Variants in SLC15A1 observed in about 807,000 individuals in gnomAD.
SLC15A1 encodes the protein solute carrier family 15 member 1.
Under a neutral mutation model 92.9 loss-of-function variants are expected in SLC15A1, and 83 were observed. The ratio of observed to expected loss-of-function variants is 0.89; its 90% CI spans 0.75 to 1.07. SLC15A1 has a LOEUF of 1.07. Among genes scored for constraint, SLC15A1 ranks in the 50% least tolerant of loss-of-function variants. The pLI, the probability that SLC15A1 is intolerant of heterozygous loss-of-function variation, is 0.00. For synonymous variants in SLC15A1, 322 were observed against 318.2 expected, an observed-to-expected ratio of 1.01 and a Z score of -0.13; for missense variants, 857 against 880.1, an observed-to-expected ratio of 0.97 and a Z score of 0.33.
intron 7 of SLC15A1, 77 bp downstream of exon 7, chr13:98,721,418 C>T: frequency 9.9e-7 from 1 of 1,011,010 alleles, no homozygotes; most frequent in Non-Finnish European, 1.5e-6. Context: ...AAGGGAAGAA[C>T]AGAACAAAAC....
At chr13:98,712,634 T>C in intron 9 of SLC15A1, 50 bp from the exon 10 acceptor site, 4 of 1,355,620 alleles carry the variant, frequency 3.0e-6, no homozygotes, top group Non-Finnish European at 4.2e-6. Context: ...AACAACTTTG[T>C]CAGGGAAGCA....
At chr13:98,685,140 T>C (rs1430689143) in intron 22 of SLC15A1, among the ~76,000 whole-genome samples, 1 of 152,198 alleles carries the variant, frequency 6.6e-6, no homozygotes, top group Non-Finnish European at 1.5e-5. Context: ...TGAACAGCAC[T>C]AAGGTACAGA....
chr13:98,713,604 C>T (rs552885649), intron 9 of SLC15A1, among the ~76,000 whole-genome samples: 54 of 152,230 alleles, frequency 3.5e-4, no homozygotes, highest in African/African-American at 1.3e-3. Flanking sequence ...CAGAAAAATA[C>T]GATGGCCCAC....
chr13:98,725,656 G>A (rs569607705), intron 4 of SLC15A1, among the ~76,000 whole-genome samples: 1 of 152,332 alleles, frequency 6.6e-6, no homozygotes, highest in East Asian at 1.9e-4. Flanking sequence ...GTCAGGCACT[G>A]TTTCAGGCTC....
At chr13:98,721,732 T>C in intron 6 of SLC15A1, 72 bp downstream of exon 6, 1 of 1,445,190 alleles carries the variant, frequency 6.9e-7, no homozygotes, top group Non-Finnish European at 9.6e-7. Context: ...AGAACAGACT[T>C]TGTGCCCGTG....
chr13:98,721,391 G>C (rs2088256285), intron 7 of SLC15A1, 104 bp downstream of exon 7: 1 of 813,444 alleles, frequency 1.2e-6, no homozygotes, highest in Non-Finnish European at 2.1e-6. Flanking sequence ...GTAGCTGACA[G>C]CTAGAAAACA....
At chr13:98,752,462 C>A (rs1007289107) in intron 1 of SLC15A1, 133 bp downstream of exon 1, 29 of 841,818 alleles carry the variant, frequency 3.4e-5, no homozygotes, top group East Asian at 3.2e-4. Context: ...AACCTCCCGG[C>A]CCCCGTGGGC....
intron 18 of SLC15A1, among the ~76,000 whole-genome samples, chr13:98,694,851 C>G (rs1482180989): frequency 3.3e-5 from 5 of 151,718 alleles, no homozygotes; most frequent in Admixed American, 3.3e-4. Context: ...ATGGTGAAAC[C>G]CTGTCTCTAC....
At chr13:98,731,518 C>T (rs9584921) in intron 1 of SLC15A1, among the ~76,000 whole-genome samples, 1 of 152,096 alleles carries the variant, frequency 6.6e-6, no homozygotes, top group African/African-American at 2.4e-5. Flanking sequence ...AGAAAGGTCC[C>T]TGTTATCCTT....
At position 98,687,591 on chromosome 13, in the gene SLC15A1, G is replaced by A; in HGVS notation, c.1817C>T (p.Ser606Leu). The change falls in exon 21 of 23, where the codon TCA becomes TTA. Residue 606 changes from serine (S) to leucine (L), a missense_variant. Ser to Leu is a moderately radical substitution (Grantham distance 145, BLOSUM62 -2). Coordinates refer to ENST00000376503, the MANE Select transcript of SLC15A1 (RefSeq NM_005073.4). ...CAACAAACAAGAAACCTGAGAATATGAGAATTCCAATCCCGTGACAGAGAA... is the reference window on the plus strand; with the variant it reads ...CAACAAACAAGAAACCTGAGAATATAAGAATTCCAATCCCGTGACAGAGAA... ...VVFSVTGLEF[S>L]YSQAPSNMKS... 6.2e-7 allele frequency: 1 copy of A among 1,614,046 alleles called. No homozygotes were observed. The highest frequency in any genetic ancestry group is 8.5e-7 in the Non-Finnish European group (1 of 1,179,994).
At chr13:98,744,240 C>CAA (rs898374872) in intron 1 of SLC15A1, among the ~76,000 whole-genome samples, 752 of 41,068 alleles carry the variant, frequency 0.018, 15 homozygotes, top group Non-Finnish European at 0.024. Flanking sequence ...GACTCTGTCT[C>CAA]AAAAAAAAAA....
intron 1 of SLC15A1, among the ~76,000 whole-genome samples, chr13:98,744,628 A>G (rs540768131): frequency 3.3e-5 from 5 of 151,956 alleles, no homozygotes; most frequent in East Asian, 1.9e-4. Flanking sequence ...ATGTGCCTGT[A>G]ATCCCAGCTA....
intron 1 of SLC15A1, among the ~76,000 whole-genome samples, chr13:98,752,137 C>G (rs1346446401): frequency 6.6e-6 from 1 of 152,210 alleles, no homozygotes; most frequent in Non-Finnish European, 1.5e-5. Flanking sequence ...AAGAGAGGCC[C>G]CATCTCCTCT....
intron 16 of SLC15A1, 73 bp from the exon 17 acceptor site, chr13:98,704,508 CAGTT>C: frequency 7.1e-7 from 1 of 1,400,384 alleles, no homozygotes; most frequent in Admixed American, 2.1e-5. Flanking sequence ...GCTGGAAGAG[CAGTT>C]ATCTGATATT....
In SLC15A1 at chr13:98,695,404, T is replaced by C. The variant is rs770891924; in HGVS notation, c.1467-6827A>G. Among the ~76,000 whole-genome samples the C allele has an allele frequency of 7.9e-5, 12 of 152,140 alleles. No individual in the cohort carries two copies. The East Asian group carries it at 1.5e-3, about 20-fold the overall frequency. ...GCCAGACCCAGTTTTTTTTGTTTGT[T>C]TGTTTAAGACAGAAGTCCCACTCTG... On this transcript the variant is annotated intron_variant, in intron 18 of 22. Coordinates refer to ENST00000376503, the MANE Select transcript of SLC15A1 (RefSeq NM_005073.4).
intron 18 of SLC15A1, among the ~76,000 whole-genome samples, chr13:98,700,918 T>C (rs2088061942): frequency 6.6e-6 from 1 of 152,218 alleles, no homozygotes; most frequent in Non-Finnish European, 1.5e-5. Context: ...TACCATTTTG[T>C]CTTGATTGCT....
In SLC15A1 at chr13:98,744,168, G is replaced by T. The variant is rs1384643367; in HGVS notation, c.4+8427C>A. 2.7e-5 allele frequency among the ~76,000 whole-genome samples: 4 copies of T among 148,880 alleles called. No individual in the cohort carries two copies. In the East Asian group the frequency reaches 8.1e-4, roughly 30 times the overall value. On this transcript the variant is annotated intron_variant, in intron 1 of 22. Coordinates refer to ENST00000376503, the MANE Select transcript of SLC15A1 (RefSeq NM_005073.4). ...AGGCAGGAGGATTGCTTAAGCCAGGGAGGTCAAGGCTGCAGTGACCTGTGA... is the reference window on the plus strand; with the variant it reads ...AGGCAGGAGGATTGCTTAAGCCAGGTAGGTCAAGGCTGCAGTGACCTGTGA...
At chr13:98,706,363 T>C in intron 15 of SLC15A1, 110 bp from the exon 16 acceptor site, 1 of 1,240,646 alleles carries the variant, frequency 8.1e-7, no homozygotes, top group South Asian at 1.3e-5. Context: ...CTGCGCTGGC[T>C]GAAACACGCC....
chr13:98,696,077 T>A (rs997285629), intron 18 of SLC15A1, among the ~76,000 whole-genome samples: 1 of 151,446 alleles, frequency 6.6e-6, no homozygotes, highest in Admixed American at 6.6e-5. Context: ...ATCTCGTGGG[T>A]CTGTCTTCTT....
Sources: allele counts gnomAD v4.1 joint callset (sites outside exome capture counted in the v4.1 genomes callset), GRCh38; gene constraint gnomAD v4.1.1; transcripts MANE v1.5; gene names NCBI Gene and HGNC (gene_info 2026-07-23, HGNC 2026-07-21).